FER1L6: variants seen among roughly 807,000 people sequenced by gnomAD.
FER1L6 encodes the protein fer-1-like protein 6.
A neutral mutation model predicts 219.2 loss-of-function variants in FER1L6; 177 were observed. The ratio of observed to expected loss-of-function variants is 0.81; its 90% CI spans 0.71 to 0.91. The LOEUF is 0.91. Ranked by LOEUF, FER1L6 falls within the 40% of genes least tolerant of loss-of-function variation. The pLI, the probability that FER1L6 is intolerant of heterozygous loss-of-function variation, is 0.00. For synonymous variants in FER1L6, 768 were observed against 824.3 expected, an observed-to-expected ratio of 0.93 and a Z score of 1.17; for missense variants, 2,153 against 2,259.9, an observed-to-expected ratio of 0.95 and a Z score of 0.96.
chr8:124,066,495 A>C lies in FER1L6; in HGVS notation c.3623A>C (p.Glu1208Ala). 6.2e-7 allele frequency: 1 copy of C among 1,614,120 alleles called. No homozygotes were observed. The highest frequency in any genetic ancestry group is 1.7e-5 in the Admixed American group (1 of 60,020). ...RKRTIADESA[E>A]NVIDWWSKYY... ...AGGACCATAGCAGATGAATCTGCTG[A>C]AAACGTGATTGACTGGTGGTCTAAG... The change falls in exon 27 of 41, where the codon GAA becomes GCA. Residue 1208 changes from glutamate (E) to alanine (A), a missense_variant. Coordinates refer to ENST00000522917, the MANE Select transcript of FER1L6 (RefSeq NM_001039112.2).
At position 124,060,774 on chromosome 8, in the gene FER1L6, G is replaced by A. The variant is rs113210398; in HGVS notation, c.3147+65G>A. ...TTTTTGCACAGATGAGATGTTTTAGGGTTTCAGATGTCCACTAGCTGCGAG... is the reference window on the plus strand; with the variant it reads ...TTTTTGCACAGATGAGATGTTTTAGAGTTTCAGATGTCCACTAGCTGCGAG... On this transcript the variant is annotated intron_variant, in intron 24 of 40. Coordinates refer to ENST00000522917, the MANE Select transcript of FER1L6 (RefSeq NM_001039112.2). 1.2e-5 allele frequency: 18 copies of A among 1,514,196 alleles called. No homozygotes were observed. In the African/African-American group the frequency reaches 1.9e-4, roughly 16 times the overall value. 93.8% of individuals were successfully genotyped at this position (1,514,196 alleles called of 1,614,324 possible). A position where few individuals can be genotyped will look rare whatever the true frequency, so the allele number is the denominator to read the frequency against.
At chr8:124,078,511 G>T (rs929871706) in intron 32 of FER1L6, among the ~76,000 whole-genome samples, 2 of 152,108 alleles carry the variant, frequency 1.3e-5, no homozygotes, top group Non-Finnish European at 2.9e-5. Flanking sequence ...TTGTCCACCT[G>T]CAGAACTTCA....
At chr8:123,955,892 G>T in intron 1 of FER1L6, 100 bp from the exon 2 acceptor site, 2 of 1,071,544 alleles carry the variant, frequency 1.9e-6, no homozygotes, top group Middle Eastern at 2.7e-4. Flanking sequence ...GAGGAGGCTG[G>T]TGGGCTTCAT....
intron 27 of FER1L6, among the ~76,000 whole-genome samples, chr8:124,067,213 T>C (rs1820865103): frequency 6.6e-6 from 1 of 152,222 alleles, no homozygotes; most frequent in African/African-American, 2.4e-5. Flanking sequence ...CTTCTTTAGT[T>C]TGGAAAGGCT....
intron 5 of FER1L6, among the ~76,000 whole-genome samples, chr8:123,966,744 A>G (rs771493760): frequency 6.6e-6 from 1 of 152,188 alleles, no homozygotes; most frequent in Non-Finnish European, 1.5e-5. Flanking sequence ...GTAAAGAAAA[A>G]TCTCAGATTT....
intron 1 of FER1L6, 21 bp from the exon 2 acceptor site, chr8:123,955,971 C>CTTT: frequency 6.3e-7 from 1 of 1,575,522 alleles, no homozygotes; most frequent in Non-Finnish European, 8.7e-7. Context: ...TTTATTGTTT[C>CTTT]TTTTTTTTTC....
intron 2 of FER1L6, among the ~76,000 whole-genome samples, 155 bp downstream of exon 2, chr8:123,956,229 G>T (rs1471129277): frequency 1.3e-5 from 2 of 152,192 alleles, no homozygotes; most frequent in Non-Finnish European, 2.9e-5. Flanking sequence ...ACAGGTGTGG[G>T]CCCAAGACAA....
intron 2 of FER1L6, 39 bp from the exon 3 acceptor site, chr8:123,963,239 C>G: frequency 6.2e-7 from 1 of 1,611,516 alleles, no homozygotes; most frequent in Non-Finnish European, 8.5e-7. Flanking sequence ...CACCACATGT[C>G]AATTTCACAG....
chr8:123,929,854 G>A (rs1387041172), intron 1 of FER1L6, among the ~76,000 whole-genome samples: 3 of 152,004 alleles, frequency 2.0e-5, no homozygotes, highest in Non-Finnish European at 4.4e-5. Context: ...AGAGACATGT[G>A]TTCCCCCCTT....
At chr8:123,962,440 C>T (rs1426971276) in intron 2 of FER1L6, among the ~76,000 whole-genome samples, 1 of 151,982 alleles carries the variant, frequency 6.6e-6, no homozygotes, top group Non-Finnish European at 1.5e-5. Context: ...TAAGCTTTGC[C>T]TGTCATGACT....
rs569463222 is a variant in FER1L6, at chr8:124,046,138, T to C, written c.2724+237T>C. The C allele has an allele frequency of 9.9e-4, 441 of 444,508 alleles. 2 individuals are homozygous for C. Among genetic ancestry groups the C allele is most frequent in the African/African-American group, 8.2e-3 (421 of 51,106 alleles). 27.5% of individuals were successfully genotyped at this position (444,508 alleles called of 1,614,324 possible). A position where few individuals can be genotyped will look rare whatever the true frequency, so the allele number is the denominator to read the frequency against. ...CTTCCATTTAAATGGCAATTAAAATTGGATCTGGTTTACAGAACGTCAGTC... is the reference window on the plus strand; with the variant it reads ...CTTCCATTTAAATGGCAATTAAAATCGGATCTGGTTTACAGAACGTCAGTC... On this transcript the variant is annotated intron_variant, in intron 21 of 40. Transcript: ENST00000522917.
chr8:123,987,794 C>T (rs907723664), intron 12 of FER1L6, among the ~76,000 whole-genome samples: 1 of 152,138 alleles, frequency 6.6e-6, no homozygotes, highest in Non-Finnish European at 1.5e-5. Flanking sequence ...TTTCCCAACA[C>T]ATGTTCTCGA....
chr8:124,119,519 T>C, intron 40 of FER1L6, 88 bp from the exon 41 acceptor site: 1 of 847,178 alleles, frequency 1.2e-6, no homozygotes, highest in East Asian at 2.4e-5. Flanking sequence ...CCTCAGAAAG[T>C]GGGAGTCGGA....
At chr8:124,097,976 C>T in intron 37 of FER1L6, 93 bp downstream of exon 37, 1 of 665,140 alleles carries the variant, frequency 1.5e-6, no homozygotes, top group South Asian at 1.9e-5. Flanking sequence ...GGATACTAAA[C>T]CCACAGCCCA....
rs1195217734 is a variant in FER1L6, at chr8:124,111,423, T to C, written c.5290-7421T>C. On this transcript the variant is annotated intron_variant, in intron 39 of 40. Transcript: ENST00000522917. This position sits in a 1 kb window ranked among gnomAD's most constrained non-coding sequence, Gnocchi z 5.0. ...TCCAGCTACCCTTGTCCTCTTGTTA[T>C]AGGAAAGGGGTCCCAGCCCAGACCC... 3.3e-5 allele frequency among the ~76,000 whole-genome samples: 5 copies of C among 152,116 alleles called. No homozygotes were observed. Among genetic ancestry groups the C allele is most frequent in the African/African-American group, 7.2e-5 (3 of 41,406 alleles).
intron 33 of FER1L6, among the ~76,000 whole-genome samples, chr8:124,091,036 T>C (rs898057201): frequency 1.3e-5 from 2 of 152,236 alleles, no homozygotes; most frequent in African/African-American, 2.4e-5. Flanking sequence ...AACTGCTTTC[T>C]GGGTACAGGG....
intron 1 of FER1L6, among the ~76,000 whole-genome samples, chr8:123,909,988 G>A (rs558668928): frequency 4.6e-5 from 7 of 152,320 alleles, no homozygotes; most frequent in Admixed American, 2.0e-4. Context: ...TTAGCTTGGT[G>A]TGAAATAAGT....
chr8:123,997,385 G>A (rs1400337327), intron 12 of FER1L6, among the ~76,000 whole-genome samples: 1 of 152,190 alleles, frequency 6.6e-6, no homozygotes, highest in African/African-American at 2.4e-5. Context: ...TCTCCTGACA[G>A]ATGTATTGGA....
chr8:123,855,673 A>G (rs2130238580), intron 1 of FER1L6, among the ~76,000 whole-genome samples: 1 of 127,176 alleles, frequency 7.9e-6, no homozygotes, highest in East Asian at 2.6e-4. Flanking sequence ...TTTTAAAGTG[A>G]AAACCATATG....
Sources: gnomAD v4.1 joint callset for allele counts (sites outside exome capture counted in the v4.1 genomes callset) on GRCh38, gnomAD v4.1.1 for gene constraint, Gnocchi (gnomAD v3.1) non-coding constraint, MANE v1.5 for transcripts, NCBI Gene and HGNC (gene_info 2026-07-23, HGNC 2026-07-21) for gene names.